The following ZNF385D variants were observed in gnomAD, a reference collection of about 807,000 sequenced individuals.
The protein encoded by ZNF385D is zinc finger protein 659.
A neutral mutation model predicts 35.8 loss-of-function variants in ZNF385D; 15 were observed. The ratio of observed to expected loss-of-function variants is 0.42; its 90% CI spans 0.28 to 0.64. ZNF385D has a LOEUF of 0.64. ZNF385D is among the 30% of genes least tolerant of loss of function. The pLI is 0.23. For missense variants in ZNF385D, 474 were observed against 494.6 expected (o/e 0.96, Z 0.39); for synonymous variants, 212 against 186.8 (o/e 1.13, Z -1.10).
chr3:22,187,068 T>A (rs1486879805), intron 2 of ZNF385D, among the ~76,000 whole-genome samples: 1 of 152,150 alleles, frequency 6.6e-6, no homozygotes, highest in Non-Finnish European at 1.5e-5. Context: ...CGTAATGACA[T>A]ACCAGATTAT....
chr3:22,358,579 G>A (rs1696262414), intron 2 of ZNF385D, among the ~76,000 whole-genome samples: 1 of 151,698 alleles, frequency 6.6e-6, no homozygotes, highest in Non-Finnish European at 1.5e-5. Context: ...TAAAATAAGT[G>A]GGCATTGGGA....
intron 2 of ZNF385D, among the ~76,000 whole-genome samples, chr3:22,199,145 T>C (rs1263832000): frequency 6.7e-6 from 1 of 149,278 alleles, no homozygotes; most frequent in East Asian, 1.9e-4. Context: ...ACAAAAAACA[T>C]AATCTCATCT....
chr3:21,996,566 C>G (rs970440889), intron 3 of ZNF385D, among the ~76,000 whole-genome samples: 3 of 152,124 alleles, frequency 2.0e-5, no homozygotes, highest in South Asian at 2.1e-4. Context: ...ATCTATTATT[C>G]TATTAGTTTA....
rs150794690 is a variant in ZNF385D, at chr3:21,931,783, T to G, written c.325+237034A>C. Among the ~76,000 whole-genome samples the G allele has an allele frequency of 2.5e-3, 385 of 152,306 alleles. 2 individuals carry two copies. Among genetic ancestry groups the G allele is most frequent in the African/African-American group, 8.8e-3 (365 of 41,548 alleles). ...TTGTTATAATGTTTATACAACTCTG[T>G]AAATGTATTAAAAGTCATTGGATTG... On this transcript the variant is annotated intron_variant, in intron 3 of 5. Coordinates refer to the ZNF385D transcript ENST00000494108.
chr3:22,068,461 C>A (rs1700071046), intron 3 of ZNF385D, among the ~76,000 whole-genome samples: 2 of 152,106 alleles, frequency 1.3e-5, no homozygotes, highest in Non-Finnish European at 2.9e-5. Flanking sequence ...TTTCTGTCTA[C>A]TCCCCCACAC....
At chr3:21,471,272 C>T (rs1329197103) in intron 4 of ZNF385D, among the ~76,000 whole-genome samples, 26 of 107,384 alleles carry the variant, frequency 2.4e-4, no homozygotes, top group African/African-American at 7.6e-4. Context: ...CTCTCTCTCT[C>T]TTTCTCTCTC....
intron 3 of ZNF385D, among the ~76,000 whole-genome samples, chr3:22,141,276 A>T (rs867492681): frequency 2.3e-4 from 30 of 129,828 alleles, no homozygotes; most frequent in Middle Eastern, 7.3e-3. Flanking sequence ...ATATTTCATT[A>T]AAAAAAATTA....
At chr3:22,172,910 A>G (rs1004799310) in intron 2 of ZNF385D, among the ~76,000 whole-genome samples, 33 of 152,286 alleles carry the variant, frequency 2.2e-4, no homozygotes, top group African/African-American at 7.9e-4. Flanking sequence ...ATGCTTAGTG[A>G]CTTGCATCTA....
chr3:22,308,178 T>C (rs1559510995), intron 2 of ZNF385D, among the ~76,000 whole-genome samples: 1 of 152,114 alleles, frequency 6.6e-6, no homozygotes, highest in Non-Finnish European at 1.5e-5. Context: ...GACAATCTAC[T>C]AAAAATGCTG....
intron 2 of ZNF385D, among the ~76,000 whole-genome samples, chr3:22,242,123 C>T (rs1699532096): frequency 1.3e-5 from 2 of 150,628 alleles, no homozygotes. Flanking sequence ...ATACCTAATG[C>T]TAGATGACGA....
intron 2 of ZNF385D, among the ~76,000 whole-genome samples, chr3:21,615,544 A>AT (rs768121385): frequency 2.3e-4 from 35 of 152,302 alleles, no homozygotes; most frequent in Non-Finnish European, 4.6e-4. Flanking sequence ...AGAACTCAAC[A>AT]AATATGAATT....
intron 3 of ZNF385D, among the ~76,000 whole-genome samples, chr3:22,159,295 C>G (rs922102089): frequency 6.6e-6 from 1 of 152,020 alleles, no homozygotes; most frequent in African/African-American, 2.4e-5. Flanking sequence ...TATTTCCAAG[C>G]TAAACGTTAT....
At chr3:21,969,706 C>G (rs1361095697) in intron 3 of ZNF385D, among the ~76,000 whole-genome samples, 1 of 151,828 alleles carries the variant, frequency 6.6e-6, no homozygotes, top group Non-Finnish European at 1.5e-5. Context: ...TTTAAGTGAA[C>G]ACGGGCAGTA....
chr3:22,319,704 T>A (rs1446634479), intron 2 of ZNF385D, among the ~76,000 whole-genome samples: 2 of 152,114 alleles, frequency 1.3e-5, no homozygotes, highest in Non-Finnish European at 2.9e-5. Context: ...TCTGATGATA[T>A]ACTACAAAAA....
intron 4 of ZNF385D, among the ~76,000 whole-genome samples, chr3:21,444,042 C>T (rs150723194): frequency 4.2e-4 from 64 of 151,230 alleles, no homozygotes; most frequent in Non-Finnish European, 7.2e-4. Context: ...AAGGCAGAAG[C>T]AGAGCCCATT....
chr3:22,114,510 C>T (rs1443496270), intron 3 of ZNF385D, among the ~76,000 whole-genome samples: 2 of 151,792 alleles, frequency 1.3e-5, no homozygotes, highest in Non-Finnish European at 2.9e-5. Context: ...GGGAAGTGAT[C>T]TCAGGAAGCA....
chr3:21,811,108 G>T (rs112737856), intron 3 of ZNF385D, among the ~76,000 whole-genome samples: 25 of 151,834 alleles, frequency 1.6e-4, no homozygotes, highest in African/African-American at 5.3e-4. Flanking sequence ...AAGAATCAAA[G>T]AATTTAATAA....
intron 3 of ZNF385D, among the ~76,000 whole-genome samples, chr3:22,110,095 C>T (rs1180236415): frequency 6.6e-6 from 1 of 152,054 alleles, no homozygotes; most frequent in Non-Finnish European, 1.5e-5. Flanking sequence ...GAGATATCAT[C>T]TCACACCAGT....
At chr3:22,309,341 C>T (rs760195731) in intron 2 of ZNF385D, among the ~76,000 whole-genome samples, 41 of 151,938 alleles carry the variant, frequency 2.7e-4, no homozygotes, top group East Asian at 2.5e-3. Context: ...TGTGGAAATC[C>T]GTCCTATAAT....
Sources: allele counts gnomAD v4.1 joint callset (sites outside exome capture counted in the v4.1 genomes callset), GRCh38; gene constraint gnomAD v4.1.1; transcripts MANE v1.5; gene names NCBI Gene and HGNC (gene_info 2026-07-23, HGNC 2026-07-21).